Variants in PPP1R12A observed in about 807,000 individuals in gnomAD.
The protein encoded by PPP1R12A is myosin binding subunit.
Under a neutral mutation model 139.6 loss-of-function variants are expected in PPP1R12A, and 19 were observed. The observed-to-expected ratio is 0.14, with a 90% CI of 0.09 to 0.20. PPP1R12A has a LOEUF of 0.20. PPP1R12A is among the 10% of genes least tolerant of loss of function. The pLI is 1.00. For missense variants in PPP1R12A, 925 were observed against 1,211.5 expected, an observed-to-expected ratio of 0.76 and a Z score of 3.51; for synonymous variants, 427 against 420.6, an observed-to-expected ratio of 1.02 and a Z score of -0.19.
At chr12:79,796,415 A>C (rs1872522369) in intron 17 of PPP1R12A, among the ~76,000 whole-genome samples, 1 of 150,564 alleles carries the variant, frequency 6.6e-6, no homozygotes, top group African/African-American at 2.4e-5. Flanking sequence ...CAATTTCACA[A>C]AAAAACATTT....
intron 6 of PPP1R12A, among the ~76,000 whole-genome samples, chr12:79,821,591 A>G (rs1876108409): frequency 6.6e-6 from 1 of 152,060 alleles, no homozygotes; most frequent in South Asian, 2.1e-4. Context: ...CATCTCTACT[A>G]AAACACAAAA....
chr12:79,928,494 A>G (rs1282540282), intron 1 of PPP1R12A, among the ~76,000 whole-genome samples: 1 of 152,232 alleles, frequency 6.6e-6, no homozygotes, highest in South Asian at 2.1e-4. Flanking sequence ...GATGATTTCA[A>G]TAAAAACTTT....
chr12:79,795,942 G>A (rs1446519117), intron 17 of PPP1R12A, among the ~76,000 whole-genome samples, 183 bp from the exon 18 acceptor site: 1 of 152,048 alleles, frequency 6.6e-6, no homozygotes. Flanking sequence ...AGTGTTGCCA[G>A]GTCAGCCAAC....
chr12:79,929,292 T>C (rs1888077102), intron 1 of PPP1R12A, among the ~76,000 whole-genome samples: 1 of 152,198 alleles, frequency 6.6e-6, no homozygotes, highest in South Asian at 2.1e-4. Context: ...GCCTTGTTCC[T>C]CACAGGTCGT....
chr12:79,916,450 T>C (rs1565815321), intron 1 of PPP1R12A, among the ~76,000 whole-genome samples: 1 of 152,228 alleles, frequency 6.6e-6, no homozygotes, highest in Non-Finnish European at 1.5e-5. Flanking sequence ...GAGCATACTG[T>C]ATAAAACTGC....
intron 14 of PPP1R12A, among the ~76,000 whole-genome samples, chr12:79,801,298 T>C (rs1401459543): frequency 4.8e-5 from 6 of 125,524 alleles, no homozygotes; most frequent in African/African-American, 1.9e-4. Flanking sequence ...TGAGCTGAGA[T>C]TGCGCCATTG....
rs561218690 is a variant in PPP1R12A, at chr12:79,811,278, C to A, written c.1240-1268G>T. On this transcript the variant is annotated intron_variant, in intron 9 of 24. Transcript: ENST00000450142. ...GGACAAAACTGTTATAAAGATATAC[C>A]TCTGGTACTTCCAGTAATGAATTGC... 3.3e-5 allele frequency among the ~76,000 whole-genome samples: 5 copies of A among 152,268 alleles called. No homozygotes were observed. The East Asian group carries it at 9.7e-4, about 29-fold the overall frequency.
intron 3 of PPP1R12A, among the ~76,000 whole-genome samples, chr12:79,844,930 T>C (rs916841282): frequency 1.3e-5 from 2 of 152,176 alleles, no homozygotes; most frequent in Non-Finnish European, 2.9e-5. Context: ...CCTCATTGTA[T>C]TCACATCTCA....
At chr12:79,839,176 C>T (rs2596787) in intron 3 of PPP1R12A, among the ~76,000 whole-genome samples, 142,205 of 152,276 alleles carry the variant, frequency 0.93, 66,679 homozygotes, top group African/African-American at 0.98. Flanking sequence ...AACAGCCCTA[C>T]TGGATTTCAC....
intron 1 of PPP1R12A, among the ~76,000 whole-genome samples, chr12:79,897,559 C>CA (rs1373247821): frequency 6.6e-6 from 1 of 151,776 alleles, no homozygotes; most frequent in Non-Finnish European, 1.5e-5. Context: ...ATCAGGTTAC[C>CA]AAAAAGCAAA....
chr12:79,824,577 C>T (rs921931770), intron 5 of PPP1R12A, among the ~76,000 whole-genome samples: 4 of 152,092 alleles, frequency 2.6e-5, no homozygotes, highest in Non-Finnish European at 4.4e-5. Flanking sequence ...AAAATGTGGG[C>T]TATAAGAATT....
At chr12:79,801,950 T>C (rs1219931393) in intron 14 of PPP1R12A, among the ~76,000 whole-genome samples, 1 of 152,184 alleles carries the variant, frequency 6.6e-6, no homozygotes, top group Non-Finnish European at 1.5e-5. Context: ...TATTATACTT[T>C]GACTTTAATT....
intron 19 of PPP1R12A, among the ~76,000 whole-genome samples, chr12:79,791,227 T>C (rs1288270712): frequency 6.6e-6 from 1 of 152,222 alleles, no homozygotes. Context: ...TCTTACCTTA[T>C]AGTCTGCACT....
In PPP1R12A at chr12:79,860,658, G is replaced by A. The variant is rs115125802; in HGVS notation, c.368+12150C>T. On this transcript the variant is annotated intron_variant, in intron 2 of 24. Transcript: ENST00000450142. ...TATAGGGTATGGGATGAAATATGGT[G>A]GTAGAGGAGGTATTGCCACTGGAAC... Among the ~76,000 whole-genome samples the A allele has an allele frequency of 5.4e-3, 824 of 152,244 alleles. 5 individuals carry two copies. Among genetic ancestry groups the A allele is most frequent in the African/African-American group, 0.019 (783 of 41,548 alleles).
Position 79,934,982 on chromosome 12 carries a change from C to A in PPP1R12A, c.-51G>T. 2 of 1,526,550 alleles carry A rather than the reference C, an allele frequency of 1.3e-6. No homozygotes were observed. The highest frequency in any genetic ancestry group is 1.8e-6 in the Non-Finnish European group (2 of 1,133,490). 94.6% of individuals were successfully genotyped at this position (1,526,550 alleles called of 1,614,324 possible). ...TATCGCGAGGGGGGGAAGGGGGAGG[C>A]GGAGAGGGAAGAGAGGGGAGGCAGG... On this transcript the variant is annotated 5_prime_UTR_variant, in exon 1 of 25. Transcript: ENST00000450142.
At chr12:79,786,085 T>C (rs1204947086) in intron 22 of PPP1R12A, among the ~76,000 whole-genome samples, 1 of 152,236 alleles carries the variant, frequency 6.6e-6, no homozygotes, top group African/African-American at 2.4e-5. Flanking sequence ...TCTGTATAGA[T>C]GCTTTTAATG....
intron 21 of PPP1R12A, 160 bp downstream of exon 21, chr12:79,788,488 A>C (rs904504622): frequency 4.8e-5 from 30 of 623,162 alleles, no homozygotes; most frequent in Admixed American, 1.9e-4. Context: ...TTTAATAAAC[A>C]AACAGCTATT....
intron 9 of PPP1R12A, among the ~76,000 whole-genome samples, chr12:79,813,044 T>C (rs1274196231): frequency 6.6e-6 from 1 of 152,194 alleles, no homozygotes; most frequent in Admixed American, 6.5e-5. Flanking sequence ...CAGAATAATA[T>C]TCTATAAAGA....
At chr12:79,790,002 G>T (rs543738378) in intron 20 of PPP1R12A, among the ~76,000 whole-genome samples, 1 of 151,320 alleles carries the variant, frequency 6.6e-6, no homozygotes, top group African/African-American at 2.4e-5. Flanking sequence ...GTCCATGCTG[G>T]TCTTCAACTC....
Sources: allele counts gnomAD v4.1 joint callset (sites outside exome capture counted in the v4.1 genomes callset), GRCh38; gene constraint gnomAD v4.1.1; transcripts MANE v1.5; gene names NCBI Gene and HGNC (gene_info 2026-07-23, HGNC 2026-07-21).